The following ZNF839 variants were observed in gnomAD, a reference collection of about 807,000 sequenced individuals.
The protein encoded by ZNF839 is zinc finger protein 839, also known as renal carcinoma antigen NY-REN-50.
Under a neutral mutation model 56.4 loss-of-function variants are expected in ZNF839, and 38 were observed. The ratio of observed to expected loss-of-function variants is 0.67; its 90% CI spans 0.52 to 0.88. The LOEUF (loss-of-function observed/expected upper bound fraction) is 0.88, where lower values mean the gene tolerates loss of function less well. ZNF839 is among the 40% of genes least tolerant of loss of function. ZNF839 has a pLI of 0.00. For synonymous variants in ZNF839, 486 were observed against 493.5 expected, an observed-to-expected ratio of 0.98 and a Z score of 0.20; for missense variants, 1,091 against 1,177.6, an observed-to-expected ratio of 0.93 and a Z score of 1.08.
chr14:102,323,508 C>G (rs2073242300), intron 1 of ZNF839, among the ~76,000 whole-genome samples: 2 of 152,152 alleles, frequency 1.3e-5, no homozygotes, highest in Admixed American at 6.5e-5. Flanking sequence ...GGTCAGTGCT[C>G]AATAAATATT....
chr14:102,325,652 G>A (rs369431770), intron 1 of ZNF839, among the ~76,000 whole-genome samples: 1 of 151,728 alleles, frequency 6.6e-6, no homozygotes, highest in East Asian at 2.0e-4. Context: ...GCATCACCAC[G>A]CCCAGCTCAT....
Position 102,341,669 on chromosome 14 carries a change from C to T in ZNF839, c.2274C>T (p.Ser758=), listed in dbSNP as rs1162242415. 1.9e-6 allele frequency: 3 copies of T among 1,613,994 alleles called. No homozygotes were observed. Among genetic ancestry groups the T allele is most frequent in the Non-Finnish European group, 2.5e-6 (3 of 1,179,878 alleles). ...SPLSSGGGAE[S]LPPGGPGHAE... is the part of the protein sequence containing the mutation. The stretch of plus-strand genomic sequence containing the variant: ...TGTCATCTGGTGGTGGAGCAGAGTC[C>T]CTGCCGCCTGGGGGGCCTGGACATG... The change falls in exon 8 of 8, where the codon TCC becomes TCT. Residue 758 remains serine, a synonymous_variant. Transcript: ENST00000442396.
intron 4 of ZNF839, 52 bp downstream of exon 4, chr14:102,334,698 A>T: frequency 1.0e-6 from 1 of 985,432 alleles, no homozygotes; most frequent in Non-Finnish European, 1.5e-6. Flanking sequence ...GAAGTTATTT[A>T]GAAATAATAT....
chr14:102,341,974 T>G lies in ZNF839; in HGVS notation c.2579T>G (p.Leu860Arg). The part of the protein sequence containing the change: ...GMEVHSGQRE[L>R]ESVVAVGEAM... ...GAGGTGCACTCTGGCCAGAGAGAACTGGAGAGCGTGGTTGCTGTCGGCGAA... is the reference window on the plus strand; with the variant it reads ...GAGGTGCACTCTGGCCAGAGAGAACGGGAGAGCGTGGTTGCTGTCGGCGAA... Residue 860 changes from leucine (L) to arginine (R), a missense_variant, in exon 8 of 8, where the codon CTG becomes CGG. Coordinates refer to ENST00000442396, the MANE Select transcript of ZNF839 (RefSeq NM_018335.6). 6.2e-7 allele frequency: 1 copy of G among 1,614,016 alleles called. No individual in the cohort carries two copies. The highest frequency in any genetic ancestry group is 8.5e-7 in the Non-Finnish European group (1 of 1,179,886).
chr14:102,327,202 C>T (rs2073462183), intron 2 of ZNF839, among the ~76,000 whole-genome samples: 1 of 152,020 alleles, frequency 6.6e-6, no homozygotes, highest in Admixed American at 6.6e-5. Flanking sequence ...GCACAGTGGC[C>T]TGATCTTGGC....
chr14:102,331,745 C>T lies in ZNF839; in HGVS notation c.1315C>T (p.Arg439Cys), dbSNP rs756370417. ...RACSETLAES[R>C]TAVLQQRRAA... ...ATGCTCAGAGACCCTTGCAGAGTCC[C>T]GCACAGCTGTCCTCCAGCAGAGAAG... The change falls in exon 3 of 8, where the codon CGC becomes TGC. Residue 439 changes from arginine (R) to cysteine (C), a missense_variant. Physicochemically the swap from Arg to Cys is radical, Grantham distance 180. Coordinates refer to ENST00000442396, the MANE Select transcript of ZNF839 (RefSeq NM_018335.6). The T allele has an allele frequency of 8.1e-6, 13 of 1,604,196 alleles. No homozygotes were observed. The highest frequency in any genetic ancestry group is 4.5e-5 in the East Asian group (2 of 44,476).
At chr14:102,334,235 C>T (rs937955812) in intron 3 of ZNF839, among the ~76,000 whole-genome samples, 1 of 152,246 alleles carries the variant, frequency 6.6e-6, no homozygotes, top group African/African-American at 2.4e-5. Context: ...AGCTGTGCCA[C>T]CCCCTCACCT....
intron 2 of ZNF839, among the ~76,000 whole-genome samples, chr14:102,328,374 A>AC (rs2073555866): frequency 2.9e-5 from 1 of 34,606 alleles, no homozygotes; most frequent in Non-Finnish European, 5.0e-5. Context: ...AAAAAAAAAA[A>AC]AATATATATA....
At chr14:102,318,319 T>C (rs945171958), upstream of ZNF839, among the ~76,000 whole-genome samples, 4 of 152,148 alleles carry the variant, frequency 2.6e-5, no homozygotes, top group African/African-American at 9.7e-5. Context: ...GAAAATTATT[T>C]TGAGCAGAAG....
chr14:102,324,266 C>T (rs933658916), intron 1 of ZNF839, among the ~76,000 whole-genome samples: 11 of 152,106 alleles, frequency 7.2e-5, no homozygotes, highest in African/African-American at 2.4e-4. Flanking sequence ...TGGGTAACGC[C>T]GGGCACGGTG....
At chr14:102,327,660 C>T (rs1054442235) in intron 2 of ZNF839, among the ~76,000 whole-genome samples, 4 of 152,130 alleles carry the variant, frequency 2.6e-5, no homozygotes, top group African/African-American at 7.2e-5. Flanking sequence ...TTACATTGAC[C>T]CTTATGGTGT....
intron 1 of ZNF839, among the ~76,000 whole-genome samples, chr14:102,321,341 C>A (rs1268076402): frequency 6.6e-6 from 1 of 152,218 alleles, no homozygotes; most frequent in South Asian, 2.1e-4. Flanking sequence ...TGCCCAAGGT[C>A]CCTCAGGTGT....
Position 102,324,500 on chromosome 14 carries a change from G to A in ZNF839, c.289-1485G>A, listed in dbSNP as rs575878318. 7.2e-5 allele frequency among the ~76,000 whole-genome samples: 11 copies of A among 152,158 alleles called. No individual in the cohort carries two copies. In the South Asian group the frequency reaches 1.7e-3, roughly 23 times the overall value. On this transcript the variant is annotated intron_variant, in intron 1 of 7. Coordinates refer to ENST00000442396, the MANE Select transcript of ZNF839 (RefSeq NM_018335.6). The stretch of plus-strand genomic sequence containing the variant: ...AGAGGTTGCACTGAGCTGAGATAGC[G>A]CCACTGCATTCCAGCCTGGACCACA...
upstream of ZNF839, among the ~76,000 whole-genome samples, chr14:102,318,899 G>A (rs950852840): frequency 6.6e-6 from 1 of 152,158 alleles, no homozygotes; most frequent in Non-Finnish European, 1.5e-5. Flanking sequence ...ACCCCCCAGG[G>A]CGGAAACAGC....
In ZNF839 at chr14:102,341,908, G is replaced by A; in HGVS notation, c.2513G>A (p.Arg838Lys). 1 of 1,614,074 alleles carries A rather than the reference G, an allele frequency of 6.2e-7. No individual in the cohort carries two copies. Among genetic ancestry groups the A allele is most frequent in the Non-Finnish European group, 8.5e-7 (1 of 1,179,900 alleles). ...HGSLLTEGCLRSLSGDLNRFP... is the reference protein window; with the variant it reads ...HGSLLTEGCLKSLSGDLNRFP... ...TCACTATTGACTGAAGGGTGTCTCA[G>A]AAGCCTTTCGGGGGACTTGAACCGG... Residue 838 changes from arginine (R) to lysine (K), a missense_variant, in exon 8 of 8, where the codon AGA (arginine) becomes AAA (lysine). Transcript: ENST00000442396.
intron 7 of ZNF839, 123 bp from the exon 8 acceptor site, chr14:102,341,200 G>C: frequency 8.5e-7 from 1 of 1,171,812 alleles, no homozygotes; most frequent in Non-Finnish European, 1.2e-6. Flanking sequence ...GGAGCAAGGA[G>C]CATCGATGCT....
At chr14:102,339,464 G>T (rs976677578) in intron 7 of ZNF839, among the ~76,000 whole-genome samples, 2 of 152,178 alleles carry the variant, frequency 1.3e-5, no homozygotes, top group Non-Finnish European at 2.9e-5. Context: ...AGAGCCACAG[G>T]CCAGGTGCAG....
intron 7 of ZNF839, 113 bp from the exon 8 acceptor site, chr14:102,341,204 CGATGCT>C: frequency 8.1e-7 from 1 of 1,230,794 alleles, no homozygotes; most frequent in Non-Finnish European, 1.1e-6. Context: ...CAAGGAGCAT[CGATGCT>C]TTGACTTTTC....
chr14:102,328,457 CAT>C (rs1286255386), intron 2 of ZNF839, among the ~76,000 whole-genome samples: 2 of 137,250 alleles, frequency 1.5e-5, no homozygotes, highest in Admixed American at 7.8e-5. Flanking sequence ...CATAGCATGA[CAT>C]GTACCATCTT....
Sources: gnomAD v4.1 joint callset for allele counts (sites outside exome capture counted in the v4.1 genomes callset) on GRCh38, gnomAD v4.1.1 for gene constraint, MANE v1.5 for transcripts, NCBI Gene and HGNC (gene_info 2026-07-23, HGNC 2026-07-21) for gene names.